Variants in RASA1 observed in about 807,000 individuals in gnomAD.
RASA1 encodes the protein RAS p21 protein activator 1.
In RASA1, 25 loss-of-function variants were observed where a neutral mutation model predicts 132.2. That is an observed-to-expected ratio of 0.19 (90% CI 0.14 to 0.26). The LOEUF (loss-of-function observed/expected upper bound fraction) is 0.26. RASA1 is among the 10% of genes least tolerant of loss of function. The probability of loss-of-function intolerance (pLI) is 1.00; values close to 1 mark genes in which losing one functional copy is unlikely to be tolerated. For synonymous variants in RASA1, 477 were observed against 449.9 expected (o/e 1.06, Z -0.76); for missense variants, 964 against 1,299.2 (o/e 0.74, Z 3.97).
At position 87,268,393 on chromosome 5, in the gene RASA1, C is replaced by T; in HGVS notation, c.-59C>T. The T allele has an allele frequency of 6.8e-7, 1 of 1,466,950 alleles. No homozygotes were observed. Among genetic ancestry groups the T allele is most frequent in the East Asian group, 2.5e-5 (1 of 40,074 alleles). The allele number at this position is 1,466,950 out of a possible 1,614,324, so 90.9% of individuals were successfully genotyped here. On this transcript the variant is annotated 5_prime_UTR_variant, in exon 1 of 25. Coordinates refer to ENST00000274376, the MANE Select transcript of RASA1 (RefSeq NM_002890.3). ...GGGTGGGGCTGCTCGGAGCCCGGGC[C>T]TGGTGGCCCCTGGGGCTCCCGGGCG...
At chr5:87,344,134 T>C (rs1458655767) in intron 6 of RASA1, among the ~76,000 whole-genome samples, 1 of 152,082 alleles carries the variant, frequency 6.6e-6, no homozygotes, top group Admixed American at 6.6e-5. Flanking sequence ...CTAGATAGAA[T>C]GAATAAGATC....
chr5:87,385,069 G>A (rs1006965128), intron 21 of RASA1, among the ~76,000 whole-genome samples: 1 of 152,054 alleles, frequency 6.6e-6, no homozygotes, highest in Non-Finnish European at 1.5e-5. Flanking sequence ...CTTTTCGCAA[G>A]CCTAGAAGCA....
chr5:87,387,457 GCCTTT>G (rs1762141493), intron 23 of RASA1, among the ~76,000 whole-genome samples: 1 of 152,154 alleles, frequency 6.6e-6, no homozygotes, highest in Non-Finnish European at 1.5e-5. Context: ...CTAGGACCCT[GCCTTT>G]CTTAATCAAG....
At chr5:87,269,968 G>T (rs1191865192) in intron 1 of RASA1, among the ~76,000 whole-genome samples, 1 of 152,020 alleles carries the variant, frequency 6.6e-6, no homozygotes, top group African/African-American at 2.4e-5. Context: ...CCGGCCGGGC[G>T]CAGTGGCTCA....
intron 12 of RASA1, among the ~76,000 whole-genome samples, chr5:87,370,400 T>C (rs913128956): frequency 2.0e-5 from 3 of 152,200 alleles, no homozygotes; most frequent in East Asian, 1.9e-4. Flanking sequence ...GCAGTGTCCT[T>C]CTTATAGCGT....
chr5:87,346,625 C>A, intron 6 of RASA1, 47 bp from the exon 7 acceptor site: 2 of 1,257,484 alleles, frequency 1.6e-6, no homozygotes, highest in Non-Finnish European at 2.3e-6. Flanking sequence ...CATATGATAA[C>A]AGCAAAAAGG....
intron 1 of RASA1, among the ~76,000 whole-genome samples, chr5:87,302,959 T>C (rs1206973885): frequency 2.0e-5 from 3 of 152,186 alleles, no homozygotes; most frequent in Non-Finnish European, 4.4e-5. Context: ...TCTTTTTCTT[T>C]TAGACGTACA....
At chr5:87,365,639 T>A (rs967813360) in intron 11 of RASA1, among the ~76,000 whole-genome samples, 1 of 152,084 alleles carries the variant, frequency 6.6e-6, no homozygotes, top group Non-Finnish European at 1.5e-5. Flanking sequence ...AGATGTTAAT[T>A]TTTCCCACCA....
chr5:87,300,060 T>C (rs758813625), intron 1 of RASA1, among the ~76,000 whole-genome samples: 2 of 152,120 alleles, frequency 1.3e-5, no homozygotes, highest in Non-Finnish European at 2.9e-5. Flanking sequence ...AGATATTTAG[T>C]GTTGCTTATT....
rs1005935823 is a variant in RASA1 at position 87,380,670 on chromosome 5, A to G, written c.2690+75A>G. On this transcript the variant is annotated intron_variant, in intron 20 of 24. Transcript: ENST00000274376. ...TTGTGAAAAATTGAGGAATAACAAT[A>G]TACAATTCAATGCTTTTTTCTTTGG... 15 of 1,273,172 alleles carry G rather than the reference A, an allele frequency of 1.2e-5. No homozygotes were observed. The African/African-American group carries it at 2.1e-4, about 17-fold the overall frequency. The allele number at this position is 1,273,172 out of a possible 1,614,324, so 78.9% of individuals were successfully genotyped here.
Position 87,338,011 on chromosome 5 carries a change from T to A in RASA1, c.937T>A (p.Leu313Ile). ...AGATATGTTCATTGTTCATAATGAA[T>A]TAGAAGATGGATGGATGTGGGTTAC... ...KGDMFIVHNE[L>I]EDGWMWVTNL... The change falls in exon 5 of 25, where the codon TTA (leucine) becomes ATA (isoleucine). Residue 313 changes from leucine (L) to isoleucine (I), a missense_variant. Physicochemically the swap from Leu to Ile is conservative, Grantham distance 5. Around this residue, in one of 6 missense-constraint regions of RASA1, gnomAD observed 154 missense variants for 286.5 expected, o/e 0.54. Coordinates refer to ENST00000274376, the MANE Select transcript of RASA1 (RefSeq NM_002890.3). 1 of 1,611,802 alleles carries A rather than the reference T, an allele frequency of 6.2e-7. No homozygotes were observed. Among genetic ancestry groups the A allele is most frequent in the Non-Finnish European group, 8.5e-7 (1 of 1,178,854 alleles).
At position 87,333,297 on chromosome 5, in the gene RASA1, A is replaced by G. The variant is rs1222731120; in HGVS notation, c.859A>G (p.Ile287Val). ...PVEDRRRVRA[I>V]LPYTKVPDTD... ...AGAAGATAGAAGGCGTGTACGAGCT[A>G]TTCTACCTTACACAAAAGTACCAGA... The change falls in exon 4 of 25, where the codon ATT (isoleucine) becomes GTT (valine). Residue 287 changes from isoleucine to valine, a missense_variant. Ile to Val is a conservative substitution (Grantham distance 29). Transcript: ENST00000274376. 6.2e-7 allele frequency: 1 copy of G among 1,613,216 alleles called. No individual in the cohort carries two copies.
At chr5:87,388,591 A>G (rs1023713143) in intron 23 of RASA1, among the ~76,000 whole-genome samples, 7 of 152,186 alleles carry the variant, frequency 4.6e-5, no homozygotes, top group African/African-American at 1.4e-4. Flanking sequence ...TATTCAACCT[A>G]TACTATAAAC....
chr5:87,288,762 T>C (rs1449356284), intron 1 of RASA1, among the ~76,000 whole-genome samples: 1 of 152,134 alleles, frequency 6.6e-6, no homozygotes, highest in Non-Finnish European at 1.5e-5. Flanking sequence ...GTTGGAAAAT[T>C]TGAAATTTGC....
intron 4 of RASA1, 52 bp downstream of exon 4, chr5:87,333,389 A>G (rs375317961): frequency 7.5e-6 from 12 of 1,603,688 alleles, no homozygotes; most frequent in Non-Finnish European, 1.0e-5. Context: ...CTAGACTTCG[A>G]AGATTTATTA....
intron 1 of RASA1, among the ~76,000 whole-genome samples, chr5:87,283,323 C>G (rs2112249555): frequency 6.6e-6 from 1 of 151,920 alleles, no homozygotes; most frequent in East Asian, 1.9e-4. Flanking sequence ...TTTCCAACAT[C>G]TAATACACAT....
chr5:87,376,333 T>A, intron 15 of RASA1, 60 bp from the exon 16 acceptor site: 1 of 1,584,180 alleles, frequency 6.3e-7, no homozygotes, highest in Non-Finnish European at 8.6e-7. Context: ...GAAAATTTAC[T>A]TGCATGACTA....
intron 1 of RASA1, among the ~76,000 whole-genome samples, chr5:87,325,727 A>G (rs960041641): frequency 7.2e-5 from 11 of 152,214 alleles, no homozygotes; most frequent in African/African-American, 2.2e-4. Context: ...AAGGAACTCT[A>G]TTGATGTTAG....
chr5:87,300,399 C>T (rs1755309998), intron 1 of RASA1, among the ~76,000 whole-genome samples: 1 of 151,886 alleles, frequency 6.6e-6, no homozygotes, highest in Admixed American at 6.6e-5. Context: ...GCAGGGTGGC[C>T]TCTGCGTGTA....
Sources: allele counts gnomAD v4.1 joint callset (sites outside exome capture counted in the v4.1 genomes callset), GRCh38; gene constraint gnomAD v4.1.1; regional missense constraint gnomAD v4.1.1; transcripts MANE v1.5; gene names NCBI Gene and HGNC (gene_info 2026-07-23, HGNC 2026-07-21).